Variants in ARAP2 observed in about 807,000 individuals in gnomAD.
ARAP2 encodes ArfGAP with RhoGAP domain, ankyrin repeat and PH domain 2.
Under a neutral mutation model 194.5 loss-of-function variants are expected in ARAP2, and 148 were observed. The ratio of observed to expected loss-of-function variants is 0.76; its 90% confidence interval spans 0.67 to 0.87. The LOEUF (loss-of-function observed/expected upper bound fraction) is 0.87, where lower values mean the gene tolerates loss of function less well. ARAP2 is among the 40% of genes least tolerant of loss of function. The pLI is 0.00. For synonymous variants in ARAP2, 695 were observed against 683.5 expected (o/e 1.02, Z -0.26); for missense variants, 2,128 against 1,989.7 (o/e 1.07, Z -1.32).
intron 26 of ARAP2, among the ~76,000 whole-genome samples, chr4:36,112,737 T>A: frequency 6.7e-6 from 1 of 149,628 alleles, no homozygotes; most frequent in South Asian, 2.1e-4. Flanking sequence ...GGAACTCCCA[T>A]CAAAAGAGAC....
chr4:36,013,913 T>A (rs904480913), intron 8 of ARAP2, among the ~76,000 whole-genome samples: 2 of 151,990 alleles, frequency 1.3e-5, no homozygotes, highest in African/African-American at 4.8e-5. Context: ...TCAAGAACAG[T>A]AGGAACTCAA....
chr4:36,143,369 T>C (rs545781385), intron 19 of ARAP2, among the ~76,000 whole-genome samples: 2 of 151,892 alleles, frequency 1.3e-5, no homozygotes, highest in Admixed American at 6.6e-5. Flanking sequence ...TAGTAACTTA[T>C]AGTGTCTATC....
At chr4:36,204,107 C>T (rs1364176697) in intron 6 of ARAP2, among the ~76,000 whole-genome samples, 1 of 152,114 alleles carries the variant, frequency 6.6e-6, no homozygotes, top group Non-Finnish European at 1.5e-5. Context: ...AATGGAAAAG[C>T]TGGATTTTTA....
intron 1 of ARAP2, among the ~76,000 whole-genome samples, chr4:36,240,952 C>T (rs1161879356): frequency 2.0e-5 from 3 of 152,104 alleles, no homozygotes; most frequent in Non-Finnish European, 2.9e-5. Context: ...TGGATAATAT[C>T]GCAATAGTTA....
intron 15 of ARAP2, chr4:36,157,431 A>C (rs1367721935): frequency 6.6e-6 from 1 of 152,086 alleles, no homozygotes; most frequent in African/African-American, 2.4e-5. Flanking sequence ...GGTTAGGCTG[A>C]GTAAAGGATG....
chr4:36,145,996 C>T lies in ARAP2; in HGVS notation c.3263+1300G>A, dbSNP rs989245295. On this transcript the variant is annotated intron_variant, in intron 19 of 32. Coordinates refer to ENST00000303965, the MANE Select transcript of ARAP2 (RefSeq NM_015230.4). ...CACTTTGCCACCAAAGAGACATCTC[C>T]GAGTTACCATTCCCAAAACCAAACT... Among the ~76,000 whole-genome samples, 6 of 151,954 alleles carry T rather than the reference C, an allele frequency of 3.9e-5. No individual in the cohort carries two copies. The South Asian group carries it at 1.2e-3, about 31-fold the overall frequency.
intron 1 of ARAP2, among the ~76,000 whole-genome samples, chr4:36,232,390 T>C (rs1017944018): frequency 2.0e-5 from 3 of 152,234 alleles, no homozygotes; most frequent in Admixed American, 2.0e-4. Flanking sequence ...TCTATGCTGA[T>C]ATTGCTTATA....
chr4:36,172,954 A>G (rs1736983706), intron 9 of ARAP2, among the ~76,000 whole-genome samples: 1 of 152,186 alleles, frequency 6.6e-6, no homozygotes, highest in Non-Finnish European at 1.5e-5. Context: ...TTTAAATTCT[A>G]TTAGAGTTTC....
chr4:36,238,736 A>G (rs1353047676), intron 1 of ARAP2, among the ~76,000 whole-genome samples: 2 of 152,244 alleles, frequency 1.3e-5, no homozygotes, highest in African/African-American at 4.8e-5. Flanking sequence ...AAGGGAGAAC[A>G]TCTTTGTAAT....
chr4:36,180,168 A>G lies in ARAP2; in HGVS notation c.1679-2163T>C, dbSNP rs1318426772. Among the ~76,000 whole-genome samples the G allele has an allele frequency of 7.9e-5, 12 of 152,136 alleles. 1 individual carries two copies. The highest frequency in any genetic ancestry group is 7.9e-4 in the Admixed American group (12 of 15,268). On this transcript the variant is annotated intron_variant, in intron 8 of 32. Transcript: ENST00000303965. ...GTGGCAGTAATCCAAGCAACTCAGG[A>G]GGCTGAGGCATGAGAATAGCTTGAA... is the stretch of plus-strand genomic sequence containing the variant.
chr4:36,244,053 C>G (rs1754126471), intron 1 of ARAP2, 126 bp downstream of exon 1: 1 of 152,274 alleles, frequency 6.6e-6, no homozygotes, highest in Non-Finnish European at 1.5e-5. Flanking sequence ...ACACCAGAGC[C>G]GAGCACTTTG....
chr4:36,110,355 T>C (rs1428124230), intron 26 of ARAP2, among the ~76,000 whole-genome samples: 1 of 151,858 alleles, frequency 6.6e-6, no homozygotes, highest in Non-Finnish European at 1.5e-5. Context: ...AAACAGATCT[T>C]CCACATCATA....
chr4:36,144,894 C>T (rs995995390), intron 19 of ARAP2, among the ~76,000 whole-genome samples: 4 of 151,852 alleles, frequency 2.6e-5, no homozygotes, highest in Non-Finnish European at 5.9e-5. Flanking sequence ...CAGATGAATA[C>T]CTTCATGATG....
chr4:36,005,976 T>C (rs997204873), intron 10 of ARAP2: 3 of 152,216 alleles, frequency 2.0e-5, no homozygotes, highest in Non-Finnish European at 2.9e-5. Flanking sequence ...TCGGCAACAC[T>C]TCCTTCCAAT....
intron 8 of ARAP2, among the ~76,000 whole-genome samples, chr4:36,180,062 C>T (rs2109860349): frequency 6.6e-6 from 1 of 152,242 alleles, no homozygotes; most frequent in South Asian, 2.1e-4. Flanking sequence ...CATTTGAGGT[C>T]AGGAGCTCAA....
intron 5 of ARAP2, 73 bp from the exon 6 acceptor site, chr4:36,210,816 T>G: frequency 3.6e-6 from 4 of 1,121,644 alleles, no homozygotes; most frequent in Non-Finnish European, 5.0e-6. Context: ...TTTTGAAAAT[T>G]TATAAATAAC....
intron 5 of ARAP2, among the ~76,000 whole-genome samples, chr4:36,019,675 A>G (rs1479660436): frequency 6.6e-6 from 1 of 152,134 alleles, no homozygotes; most frequent in Non-Finnish European, 1.5e-5. Flanking sequence ...TCAAAGGTAG[A>G]TCAAAGGGCC....
chr4:36,011,632 G>A (rs1441742892), intron 9 of ARAP2, among the ~76,000 whole-genome samples: 1 of 152,094 alleles, frequency 6.6e-6, no homozygotes, highest in Non-Finnish European at 1.5e-5. Context: ...AATGGCTTGA[G>A]AAGAACACAT....
intron 2 of ARAP2, among the ~76,000 whole-genome samples, chr4:36,225,582 C>T (rs1750127388): frequency 6.6e-6 from 1 of 151,988 alleles, no homozygotes; most frequent in Non-Finnish European, 1.5e-5. Context: ...GCCAGCCCTC[C>T]AGTTAAAAGG....
Sources: allele counts gnomAD v4.1 joint callset (sites outside exome capture counted in the v4.1 genomes callset), GRCh38; gene constraint gnomAD v4.1.1; transcripts MANE v1.5; gene names NCBI Gene and HGNC (gene_info 2026-07-23, HGNC 2026-07-21).